Variants in KREMEN1 observed in about 807,000 individuals in gnomAD.
The protein encoded by KREMEN1 is kringle containing transmembrane protein 1.
KREMEN1 carries 30 observed loss-of-function variants against 46.5 expected under a neutral mutation model. The observed-to-expected ratio is 0.65, with a 90% CI of 0.48 to 0.88. The LOEUF is 0.88. KREMEN1 is among the 40% of genes least tolerant of loss of function. The pLI, the probability that KREMEN1 is intolerant of heterozygous loss-of-function variation, is 0.00. For synonymous variants in KREMEN1, 214 were observed against 230.6 expected (o/e 0.93, Z 0.65); for missense variants, 533 against 596.9 (o/e 0.89, Z 1.11).
Position 29,137,309 on chromosome 22 carries a change from A to G in KREMEN1, c.632-33A>G, listed in dbSNP as rs2038676654. 6 of 1,424,382 alleles carry G rather than the reference A, an allele frequency of 4.2e-6. No homozygotes were observed. The African/African-American group carries it at 8.6e-5, about 20-fold the overall frequency. The allele number at this position is 1,424,382 out of a possible 1,614,324, so 88.2% of individuals were successfully genotyped here. A position where few individuals can be genotyped will look rare whatever the true frequency, so the allele number is the denominator to read the frequency against. On this transcript the variant is annotated intron_variant, in intron 5 of 8. Coordinates refer to ENST00000400335, the MANE Select transcript of KREMEN1 (RefSeq NM_001039570.3). ...AAGCGCGCCTGTGGCAAAGGCCCAG[A>G]CTGAGGGCGTGGTGTCTTTTTCTCT...
At chr22:29,129,881 G>C (rs13055379) in intron 5 of KREMEN1, among the ~76,000 whole-genome samples, 12,408 of 152,130 alleles carry the variant, frequency 0.082, 716 homozygotes, top group Non-Finnish European at 0.11. Flanking sequence ...CAACACTGAC[G>C]GGGGCTTCAT....
At chr22:29,166,120 CAT>C (rs1452035495) in intron 9 of KREMEN1, among the ~76,000 whole-genome samples, 1 of 152,188 alleles carries the variant, frequency 6.6e-6, no homozygotes, top group East Asian at 1.9e-4. Flanking sequence ...CCCATGCACA[CAT>C]CACCCACATG....
intron 5 of KREMEN1, among the ~76,000 whole-genome samples, chr22:29,136,013 C>T (rs1433131540): frequency 6.6e-6 from 1 of 152,032 alleles, no homozygotes; most frequent in East Asian, 2.0e-4. Context: ...CCTCCAGCTC[C>T]CGGGTTCAAG....
chr22:29,145,806 C>A lies in KREMEN1; in HGVS notation c.*3694C>A, dbSNP rs73397005. 18 of 985,474 alleles carry A rather than the reference C, an allele frequency of 1.8e-5. No homozygotes were observed. Among genetic ancestry groups the A allele is most frequent in the Non-Finnish European group, 2.2e-5 (18 of 829,982 alleles). The allele number at this position is 985,474 out of a possible 1,614,324, so 61.0% of individuals were successfully genotyped here. A position where few individuals can be genotyped will look rare whatever the true frequency, so the allele number is the denominator to read the frequency against. ...AAGAGTGGGCTCTGGCTCAAGACTC[C>A]AATCGGCCAGAAGCCCACAGAGATC... On this transcript the variant is annotated 3_prime_UTR_variant, in exon 9 of 9. Transcript: ENST00000400335.
At chr22:29,134,816 G>C (rs1232653845) in intron 5 of KREMEN1, among the ~76,000 whole-genome samples, 1 of 152,128 alleles carries the variant, frequency 6.6e-6, no homozygotes, top group Non-Finnish European at 1.5e-5. Flanking sequence ...GAGTACCCGT[G>C]AGTTTTCCTC....
Position 29,144,673 on chromosome 22 carries a change from G to A in KREMEN1, c.*2561G>A. Reference sequence around the variant, plus strand: ...TGTGCTGTGAATAGATCCATGTGCAGCACAAAGGGAATGTGGCACGTGGCC... The same window carrying A: ...TGTGCTGTGAATAGATCCATGTGCAACACAAAGGGAATGTGGCACGTGGCC... On this transcript the variant is annotated 3_prime_UTR_variant, in exon 9 of 9. Transcript: ENST00000400335. The A allele has an allele frequency of 5.1e-6, 5 of 985,530 alleles. No individual in the cohort carries two copies. Among genetic ancestry groups the A allele is most frequent in the Non-Finnish European group, 6.0e-6 (5 of 829,956 alleles). 61.0% of individuals were successfully genotyped at this position (985,530 alleles called of 1,614,324 possible).
downstream of KREMEN1, among the ~76,000 whole-genome samples, chr22:29,149,809 T>G (rs1266467889): frequency 6.6e-6 from 1 of 152,132 alleles, no homozygotes; most frequent in East Asian, 1.9e-4. Context: ...GATGCAGATA[T>G]TGGAGAATCC....
intron 2 of KREMEN1, among the ~76,000 whole-genome samples, chr22:29,098,006 A>G (rs978844404): frequency 6.6e-6 from 1 of 152,090 alleles, no homozygotes; most frequent in Non-Finnish European, 1.5e-5. Context: ...ATATGGTGAA[A>G]CCCCACCTCT....
intron 9 of KREMEN1, among the ~76,000 whole-genome samples, chr22:29,159,534 G>A (rs901735903): frequency 6.6e-5 from 10 of 152,108 alleles, no homozygotes; most frequent in Non-Finnish European, 1.5e-4. Context: ...CAGGAGAATT[G>A]CATGAACCCA....
intron 5 of KREMEN1, among the ~76,000 whole-genome samples, chr22:29,133,115 G>A (rs1272922786): frequency 6.6e-6 from 1 of 152,034 alleles, no homozygotes; most frequent in Non-Finnish European, 1.5e-5. Flanking sequence ...AGGCGAGGTG[G>A]CGCATGCCTG....
chr22:29,168,194 G>A (rs1395736239), exon 10 of KREMEN1: 1 of 152,096 alleles, frequency 6.6e-6, no homozygotes, highest in Non-Finnish European at 1.5e-5. Flanking sequence ...AATTAGTTGG[G>A]CATGGTGGCA....
chr22:29,142,395 G>A lies in KREMEN1; in HGVS notation c.*283G>A. On this transcript the variant is annotated 3_prime_UTR_variant, in exon 9 of 9. Transcript: ENST00000400335. ...CTCTGATCTAGCTAGCAGTGGGGGTGTCAGGACAGTGAGGCTGAGATGACA... is the reference window on the plus strand; with the variant it reads ...CTCTGATCTAGCTAGCAGTGGGGGTATCAGGACAGTGAGGCTGAGATGACA... The A allele has an allele frequency of 9.0e-7, 1 of 1,114,392 alleles. No individual in the cohort carries two copies. Among genetic ancestry groups the A allele is most frequent in the Non-Finnish European group, 1.1e-6 (1 of 913,398 alleles). 69.0% of individuals were successfully genotyped at this position (1,114,392 alleles called of 1,614,324 possible). A position where few individuals can be genotyped will look rare whatever the true frequency, so the allele number is the denominator to read the frequency against.
At position 29,145,456 on chromosome 22, in the gene KREMEN1, C is replaced by T; in HGVS notation, c.*3344C>T. 2 of 985,616 alleles carry T rather than the reference C, an allele frequency of 2.0e-6. No individual in the cohort carries two copies. The highest frequency in any genetic ancestry group is 2.4e-6 in the Non-Finnish European group (2 of 830,104). 61.1% of individuals were successfully genotyped at this position (985,616 alleles called of 1,614,324 possible). On this transcript the variant is annotated 3_prime_UTR_variant, in exon 9 of 9. Transcript: ENST00000400335. ...CTGCGTGCCATCCTCACCCCTGTTC[C>T]CCGCTGGCGCCAGGCCCTGCCTTCT...
At chr22:29,168,122 G>A (rs2039069131) in exon 10 of KREMEN1, 2 of 152,294 alleles carry the variant, frequency 1.3e-5, no homozygotes, top group African/African-American at 4.8e-5. Flanking sequence ...ATCACTTGAG[G>A]CCAGGAATTC....
chr22:29,126,356 C>T (rs989507302), intron 5 of KREMEN1, among the ~76,000 whole-genome samples: 5 of 152,172 alleles, frequency 3.3e-5, no homozygotes, highest in Admixed American at 3.3e-4. Flanking sequence ...AATCCAAAAT[C>T]GAGGTGTCAG....
intron 9 of KREMEN1, among the ~76,000 whole-genome samples, chr22:29,165,461 C>T (rs1343846521): frequency 6.6e-6 from 1 of 151,494 alleles, no homozygotes; most frequent in Non-Finnish European, 1.5e-5. Flanking sequence ...CCAATTGGTA[C>T]AGAAGCCAGC....
At chr22:29,085,371 G>C (rs2037712758) in intron 1 of KREMEN1, among the ~76,000 whole-genome samples, 1 of 152,004 alleles carries the variant, frequency 6.6e-6, no homozygotes, top group Admixed American at 6.6e-5. Context: ...ACCAATTTCA[G>C]ATATGTCACC....
At chr22:29,119,552 C>T (rs1207736134) in intron 3 of KREMEN1, among the ~76,000 whole-genome samples, 1 of 152,296 alleles carries the variant, frequency 6.6e-6, no homozygotes, top group East Asian at 1.9e-4. Flanking sequence ...CTCATTAGAA[C>T]AAAAGATGCT....
rs1049011453 is a variant in KREMEN1, at chr22:29,146,227, C to T, written c.*4115C>T. ...CTCTGGTGTCTTTGTTTACCTTCCT[C>T]ACTGTTCTACCTCCTGGCCAGGTCT... is the stretch of plus-strand genomic sequence containing the variant. On this transcript the variant is annotated 3_prime_UTR_variant, in exon 9 of 9. Coordinates refer to ENST00000400335, the MANE Select transcript of KREMEN1 (RefSeq NM_001039570.3). 5.8e-5 allele frequency: 57 copies of T among 985,830 alleles called. No individual in the cohort carries two copies. Among genetic ancestry groups the T allele is most frequent in the Non-Finnish European group, 6.6e-5 (55 of 830,014 alleles). 61.1% of individuals were successfully genotyped at this position (985,830 alleles called of 1,614,324 possible).
Sources: gnomAD v4.1 joint callset for allele counts (sites outside exome capture counted in the v4.1 genomes callset) on GRCh38, gnomAD v4.1.1 for gene constraint, MANE v1.5 for transcripts, NCBI Gene and HGNC (gene_info 2026-07-23, HGNC 2026-07-21) for gene names.